PLD5: variants seen among roughly 807,000 people sequenced by gnomAD.
PLD5 encodes phospholipase D family member 5.
Under a neutral mutation model 61.1 loss-of-function variants are expected in PLD5, and 36 were observed. The ratio of observed to expected loss-of-function variants is 0.59; its 90% confidence interval spans 0.45 to 0.78. The LOEUF (loss-of-function observed/expected upper bound fraction) is 0.78. PLD5 is among the 30% of genes least tolerant of loss of function. The pLI, the probability that PLD5 is intolerant of heterozygous loss-of-function variation, is 0.00. For synonymous variants in PLD5, 243 were observed against 242.8 expected, an observed-to-expected ratio of 1.00 and a Z score of -0.01; for missense variants, 515 against 644.4, an observed-to-expected ratio of 0.80 and a Z score of 2.17.
chr1:242,513,267 A>C (rs1668995429), intron 1 of PLD5, among the ~76,000 whole-genome samples: 1 of 152,120 alleles, frequency 6.6e-6, no homozygotes, highest in Admixed American at 6.6e-5. Flanking sequence ...CAAGGGTCTA[A>C]GCCCTGTCTC....
chr1:242,385,691 C>T (rs1662558584), intron 1 of PLD5, among the ~76,000 whole-genome samples: 1 of 152,140 alleles, frequency 6.6e-6, no homozygotes, highest in African/African-American at 2.4e-5. Context: ...AAGAAGTAAG[C>T]ATTTACCCTA....
intron 1 of PLD5, among the ~76,000 whole-genome samples, chr1:242,362,545 G>T (rs1206311769): frequency 6.6e-6 from 1 of 152,116 alleles, no homozygotes; most frequent in African/African-American, 2.4e-5. Context: ...CCTTTCCTAT[G>T]ATTCTAGATG....
chr1:242,462,614 A>AG (rs1412509613), intron 1 of PLD5, among the ~76,000 whole-genome samples: 2 of 151,300 alleles, frequency 1.3e-5, no homozygotes, highest in Admixed American at 6.6e-5. Context: ...TTGAAATAAA[A>AG]AAAAAAAGAA....
rs142328010 is a variant in PLD5, at chr1:242,192,908, C to T, written c.735+27080G>A. ...GGTAAGCCATGCTGGAAAAGCTCTC[C>T]GGGCCTTCTGCAAGCCACGTATTCT... is the stretch of plus-strand genomic sequence containing the variant. On this transcript the variant is annotated intron_variant, in intron 5 of 9. Coordinates refer to ENST00000536534, the MANE Select transcript of PLD5 (RefSeq NM_001372062.1). 8.2e-4 allele frequency among the ~76,000 whole-genome samples: 125 copies of T among 152,022 alleles called. 1 individual carries two copies. Among genetic ancestry groups the T allele is most frequent in the Middle Eastern group, 3.4e-3 (1 of 294 alleles).
At chr1:242,524,718 G>GGGCGGC (rs1260620535), upstream of PLD5, 1 of 146,470 alleles carries the variant, frequency 6.8e-6, no homozygotes, top group African/African-American at 2.5e-5. Flanking sequence ...CCGGCTCCCG[G>GGGCGGC]GGCGGCGGCG....
chr1:242,368,536 G>T (rs1394938881), intron 1 of PLD5, among the ~76,000 whole-genome samples: 1 of 152,174 alleles, frequency 6.6e-6, no homozygotes, highest in Admixed American at 6.6e-5. Context: ...CTAGTAAAGA[G>T]GTGGTGTCTG....
intron 5 of PLD5, among the ~76,000 whole-genome samples, chr1:242,131,255 G>A (rs1437090473): frequency 3.9e-5 from 6 of 152,182 alleles, no homozygotes; most frequent in African/African-American, 1.4e-4. Context: ...GCAGTGAACC[G>A]AGATTGTGCC....
At chr1:242,385,673 T>C (rs773968021) in intron 1 of PLD5, among the ~76,000 whole-genome samples, 8 of 151,970 alleles carry the variant, frequency 5.3e-5, no homozygotes, top group Non-Finnish European at 1.0e-4. Flanking sequence ...AATCAAAAAT[T>C]AAAGGGAAAG....
intron 2 of PLD5, 124 bp from the exon 3 acceptor site, chr1:242,288,654 C>T: frequency 7.0e-7 from 1 of 1,422,666 alleles, no homozygotes; most frequent in Non-Finnish European, 9.2e-7. Context: ...GCATTCTCTC[C>T]TCATAATTTA....
At chr1:242,297,621 CT>C (rs56851216) in intron 2 of PLD5, among the ~76,000 whole-genome samples, 16 of 107,210 alleles carry the variant, frequency 1.5e-4, no homozygotes, top group African/African-American at 5.0e-4. Flanking sequence ...ATTCATGTTT[CT>C]TTTTTTTTTT....
intron 2 of PLD5, among the ~76,000 whole-genome samples, chr1:242,312,197 C>T (rs1486214382): frequency 6.6e-6 from 1 of 150,828 alleles, no homozygotes; most frequent in African/African-American, 2.4e-5. Context: ...TTTCTTCAAG[C>T]TTTTGAAGAT....
At chr1:242,217,060 G>A (rs1290716345) in intron 5 of PLD5, among the ~76,000 whole-genome samples, 2 of 152,222 alleles carry the variant, frequency 1.3e-5, no homozygotes, top group African/African-American at 4.8e-5. Flanking sequence ...CTACTGCTCA[G>A]AAAGAAAGAT....
chr1:242,499,854 G>T (rs1180309922), intron 1 of PLD5, among the ~76,000 whole-genome samples: 1 of 152,150 alleles, frequency 6.6e-6, no homozygotes, highest in Non-Finnish European at 1.5e-5. Flanking sequence ...GAAGACTTAA[G>T]TTGCTGGGAG....
chr1:242,371,509 T>C (rs564067848), intron 1 of PLD5, among the ~76,000 whole-genome samples: 1 of 152,094 alleles, frequency 6.6e-6, no homozygotes. Flanking sequence ...AACTCCTTTC[T>C]CCATCCCTTA....
At chr1:242,476,014 A>G (rs911606348) in intron 1 of PLD5, among the ~76,000 whole-genome samples, 2 of 152,124 alleles carry the variant, frequency 1.3e-5, no homozygotes, top group Non-Finnish European at 2.9e-5. Context: ...TAAGCCACCC[A>G]GTTGGTGGTA....
At position 242,205,520 on chromosome 1, in the gene PLD5, TA is replaced by T. The variant is rs142670251; in HGVS notation, c.735+14467del. Among the ~76,000 whole-genome samples the T allele has an allele frequency of 5.1e-3, 776 of 152,326 alleles. 2 individuals carry two copies. The highest frequency in any genetic ancestry group is 0.011 in the Admixed American group (169 of 15,296). On this transcript the variant is annotated intron_variant, in intron 5 of 9. Transcript: ENST00000536534. ...CACATGCAAACAAAAATGACCTTTC[TA>T]AACAGCCCAGGTAACCTTCTATATC...
chr1:242,513,670 T>C (rs892380679), intron 1 of PLD5, among the ~76,000 whole-genome samples: 1 of 152,234 alleles, frequency 6.6e-6, no homozygotes, highest in Admixed American at 6.5e-5. Flanking sequence ...TTGGAATGTT[T>C]GTTAATTATA....
chr1:242,510,569 G>A (rs755867787), intron 1 of PLD5, among the ~76,000 whole-genome samples: 11 of 152,176 alleles, frequency 7.2e-5, no homozygotes, highest in South Asian at 2.1e-4. Flanking sequence ...AAATGGGCCC[G>A]GTGCGGTGGC....
intron 1 of PLD5, among the ~76,000 whole-genome samples, chr1:242,405,595 A>G (rs1325896941): frequency 7.4e-6 from 1 of 135,368 alleles, no homozygotes; most frequent in African/African-American, 3.1e-5. Context: ...AACTGCCAAT[A>G]TTTGATACTT....
Sources: gnomAD v4.1 joint callset for allele counts (sites outside exome capture counted in the v4.1 genomes callset) on GRCh38, gnomAD v4.1.1 for gene constraint, MANE v1.5 for transcripts, NCBI Gene and HGNC (gene_info 2026-07-23, HGNC 2026-07-21) for gene names.